Variants in BRD7 observed in about 807,000 individuals in gnomAD.
The protein encoded by BRD7 is bromodomain-containing protein 7.
A neutral mutation model predicts 82.1 loss-of-function variants in BRD7; 15 were observed. That is an observed-to-expected ratio of 0.18 (90% CI 0.12 to 0.28). The LOEUF (loss-of-function observed/expected upper bound fraction) is 0.28, where lower values mean the gene tolerates loss of function less well. BRD7 is among the 10% of genes least tolerant of loss of function. BRD7 has a pLI of 1.00. For synonymous variants in BRD7, 232 were observed against 266.9 expected (o/e 0.87, Z 1.27); for missense variants, 638 against 779.9 (o/e 0.82, Z 2.17).
chr16:50,319,757 T>G, intron 16 of BRD7, 130 bp downstream of exon 16: 1 of 1,148,640 alleles, frequency 8.7e-7, no homozygotes, highest in Non-Finnish European at 1.2e-6. Flanking sequence ...GACTTGAGCA[T>G]CTACAGATTT....
At chr16:50,355,004 A>C in intron 2 of BRD7, 82 bp from the exon 3 acceptor site, 1 of 1,461,312 alleles carries the variant, frequency 6.8e-7, no homozygotes, top group Non-Finnish European at 9.3e-7. Context: ...AGGGGTAAAA[A>C]GACATCATTG....
intron 6 of BRD7, among the ~76,000 whole-genome samples, chr16:50,335,456 CTT>C (rs2037758285): frequency 2.6e-5 from 4 of 152,318 alleles, no homozygotes; most frequent in Admixed American, 2.6e-4. Context: ...CCAAAGAAGT[CTT>C]GTTTCTATTC....
At chr16:50,363,641 TTGTGTGTGTG>T (rs374792308) in intron 2 of BRD7, among the ~76,000 whole-genome samples, 2 of 149,068 alleles carry the variant, frequency 1.3e-5, no homozygotes, top group African/African-American at 2.5e-5. Flanking sequence ...CGTTGTGTGT[TTGTGTGTGTG>T]TGTGTGTGTG....
intron 5 of BRD7, among the ~76,000 whole-genome samples, chr16:50,340,752 C>T (rs1047090914): frequency 7.2e-5 from 11 of 152,006 alleles, no homozygotes; most frequent in Non-Finnish European, 1.3e-4. Flanking sequence ...GCCAAATTAC[C>T]AAAACTGTCT....
chr16:50,367,668 T>C, intron 2 of BRD7, among the ~76,000 whole-genome samples: 1 of 152,232 alleles, frequency 6.6e-6, no homozygotes. Flanking sequence ...TTTTAAAAGA[T>C]TTAAAGTTGC....
chr16:50,343,658 C>T (rs1040823592), intron 5 of BRD7, among the ~76,000 whole-genome samples: 11 of 152,306 alleles, frequency 7.2e-5, no homozygotes, highest in South Asian at 6.2e-4. Context: ...GATTATATCC[C>T]GCGCATGGCT....
intron 6 of BRD7, among the ~76,000 whole-genome samples, chr16:50,338,135 C>G (rs1240779956): frequency 2.0e-5 from 3 of 152,122 alleles, no homozygotes; most frequent in African/African-American, 7.2e-5. Flanking sequence ...TGCATTTTTA[C>G]TTCAAATACA....
At chr16:50,353,993 T>C (rs1401315952) in intron 4 of BRD7, among the ~76,000 whole-genome samples, 1 of 152,192 alleles carries the variant, frequency 6.6e-6, no homozygotes, top group Non-Finnish European at 1.5e-5. Flanking sequence ...AGAACCAATT[T>C]CTGCATTTAA....
chr16:50,319,069 C>A lies in BRD7; in HGVS notation c.*142G>T, dbSNP rs1446892910. On this transcript the variant is annotated 3_prime_UTR_variant, in exon 17 of 17. Coordinates refer to ENST00000394688, the MANE Select transcript of BRD7 (RefSeq NM_013263.5). ...TCCAGCTTTATTACCTAATACAAGT[C>A]CAACCTCTGGAACATCCAAATTCGC... 3.5e-5 allele frequency: 28 copies of A among 799,734 alleles called. No individual in the cohort carries two copies. Among genetic ancestry groups the A allele is most frequent in the Non-Finnish European group, 5.1e-5 (26 of 507,282 alleles). The allele number at this position is 799,734 out of a possible 1,614,324, so 49.5% of individuals were successfully genotyped here.
At chr16:50,359,089 T>C (rs542121175) in intron 2 of BRD7, among the ~76,000 whole-genome samples, 1 of 152,346 alleles carries the variant, frequency 6.6e-6, no homozygotes, top group African/African-American at 2.4e-5. Flanking sequence ...TAAATGAATA[T>C]AGTTACGTAA....
intron 6 of BRD7, among the ~76,000 whole-genome samples, chr16:50,339,574 G>C (rs578225852): frequency 2.5e-4 from 38 of 152,280 alleles, no homozygotes; most frequent in African/African-American, 8.4e-4. Context: ...GCGCATGACT[G>C]TATTTTCTTA....
chr16:50,328,847 A>G (rs2037446387), intron 8 of BRD7, 103 bp from the exon 9 acceptor site: 1 of 970,856 alleles, frequency 1.0e-6, no homozygotes, highest in African/African-American at 1.6e-5. Flanking sequence ...TGGATTGCAG[A>G]TTTTCCCAGA....
rs750660173 is a variant in BRD7 at position 50,323,624 on chromosome 16, T to C, written c.1406A>G (p.Lys469Arg). 3.7e-6 allele frequency: 6 copies of C among 1,613,758 alleles called. No homozygotes were observed. The highest frequency in any genetic ancestry group is 1.3e-5 in the African/African-American group (1 of 74,922). Residue 469 changes from lysine to arginine, a missense_variant, in exon 12 of 17, where the codon AAA becomes AGA. Physicochemically the swap from Lys to Arg is conservative, Grantham distance 26. Coordinates refer to ENST00000394688, the MANE Select transcript of BRD7 (RefSeq NM_013263.5). Reference sequence around the variant, plus strand: ...TTGTAGGGTCCTGGAATGCCCTCCTTTTGTTAAAACATCCAGTAAACTATC... The same window carrying C: ...TTGTAGGGTCCTGGAATGCCCTCCTCTTGTTAAAACATCCAGTAAACTATC... Reference protein sequence around the residue: ...MADSLLDVLTKGGHSRTLQEM... With the variant: ...MADSLLDVLTRGGHSRTLQEM...
chr16:50,324,179 A>T (rs2037237792), intron 11 of BRD7, among the ~76,000 whole-genome samples: 3 of 152,232 alleles, frequency 2.0e-5, no homozygotes, highest in African/African-American at 7.2e-5. Flanking sequence ...GGTAAATAGC[A>T]ACTGCAGTCT....
intron 11 of BRD7, among the ~76,000 whole-genome samples, chr16:50,325,491 A>T (rs2037297698): frequency 6.6e-6 from 1 of 152,230 alleles, no homozygotes; most frequent in Admixed American, 6.5e-5. Flanking sequence ...ACACTTTAGT[A>T]CTGGCTGAGG....
At chr16:50,350,590 T>A (rs2038477667) in intron 4 of BRD7, among the ~76,000 whole-genome samples, 1 of 152,242 alleles carries the variant, frequency 6.6e-6, no homozygotes, top group African/African-American at 2.4e-5. Context: ...TCTAATAGGC[T>A]TGCATTTCTG....
intron 4 of BRD7, among the ~76,000 whole-genome samples, chr16:50,353,757 CA>C (rs1488600777): frequency 7.4e-5 from 4 of 54,104 alleles, no homozygotes; most frequent in African/African-American, 1.9e-4. Flanking sequence ...CCATGCCTGG[CA>C]ATTTTTTTTT....
At chr16:50,343,276 C>G (rs915232919) in intron 5 of BRD7, among the ~76,000 whole-genome samples, 2 of 152,136 alleles carry the variant, frequency 1.3e-5, no homozygotes, top group African/African-American at 4.8e-5. Context: ...CAGATATCCC[C>G]CTTGCTGTTC....
At chr16:50,325,596 G>A (rs569960130) in intron 11 of BRD7, 152 bp downstream of exon 11, 7 of 584,006 alleles carry the variant, frequency 1.2e-5, no homozygotes, top group African/African-American at 1.1e-4. Flanking sequence ...AAGGATAATA[G>A]TAACTATGAA....
Sources: gnomAD v4.1 joint callset for allele counts (sites outside exome capture counted in the v4.1 genomes callset) on GRCh38, gnomAD v4.1.1 for gene constraint, MANE v1.5 for transcripts, NCBI Gene and HGNC (gene_info 2026-07-23, HGNC 2026-07-21) for gene names.